Variants in PARP15 observed in about 807,000 individuals in gnomAD.
The protein encoded by PARP15 is protein mono-ADP-ribosyltransferase PARP15.
In PARP15, 50 loss-of-function variants were observed where a neutral mutation model predicts 62.1. The ratio of observed to expected loss-of-function variants is 0.81; its 90% confidence interval spans 0.64 to 1.02. The LOEUF (loss-of-function observed/expected upper bound fraction) is 1.02. Among genes scored for constraint, PARP15 ranks in the 50% least tolerant of loss-of-function variants. The pLI is 0.00. For missense variants in PARP15, 820 were observed against 826.5 expected (o/e 0.99, Z 0.10); for synonymous variants, 309 against 293.1 (o/e 1.05, Z -0.55).
chr3:122,604,295 T>C (rs1366752140), intron 1 of PARP15, among the ~76,000 whole-genome samples: 1 of 152,224 alleles, frequency 6.6e-6, no homozygotes, highest in Non-Finnish European at 1.5e-5. Context: ...AATTCTAAAA[T>C]TCTATGATCG....
chr3:122,632,252 T>A (rs1246245819), intron 10 of PARP15, 33 bp downstream of exon 10: 1 of 1,595,166 alleles, frequency 6.3e-7, no homozygotes, highest in East Asian at 2.2e-5. Context: ...TGTTCAAAAA[T>A]GTTGATGAAC....
chr3:122,627,117 T>G (rs570083591), intron 9 of PARP15, 84 bp downstream of exon 9: 21 of 1,156,140 alleles, frequency 1.8e-5, no homozygotes, highest in Non-Finnish European at 2.5e-5. Context: ...ACACTGAGTT[T>G]ATAGTTTTCT....
chr3:122,635,075 A>AAG lies in PARP15; in HGVS notation c.1629_1630insGA (p.Met544GlufsTer90). On this transcript the variant is annotated frameshift_variant, in exon 11 of 12. Transcript: ENST00000464300. LOFTEE classifies it high-confidence loss of function. The stretch of plus-strand genomic sequence containing the variant: ...CAGAGCTACCAGGTAAAGAAAAGGC[A>AAG]AATGGATATCAAGAATGACCATAAG... 1 of 1,614,124 alleles carries AAG rather than the reference A, an allele frequency of 6.2e-7. No individual in the cohort carries two copies. The highest frequency in any genetic ancestry group is 8.5e-7 in the Non-Finnish European group (1 of 1,179,974).
At chr3:122,591,736 A>T (rs1559931461) in intron 1 of PARP15, among the ~76,000 whole-genome samples, 1 of 128,290 alleles carries the variant, frequency 7.8e-6, no homozygotes, top group African/African-American at 3.0e-5. Context: ...ACTGCACTCC[A>T]GCCTGGTGAC....
At chr3:122,595,904 T>C (rs186474302) in intron 1 of PARP15, among the ~76,000 whole-genome samples, 1 of 152,182 alleles carries the variant, frequency 6.6e-6, no homozygotes, top group East Asian at 1.9e-4. Context: ...ACTTAGTCCT[T>C]GGTTCTTTTT....
chr3:122,608,250 T>G (rs1268641893), intron 2 of PARP15, among the ~76,000 whole-genome samples: 2 of 145,770 alleles, frequency 1.4e-5, no homozygotes, highest in African/African-American at 5.1e-5. Context: ...TGAGTCTTGC[T>G]CTGTCGCCCA....
At chr3:122,578,679 T>G (rs979210348) in intron 1 of PARP15, among the ~76,000 whole-genome samples, 9 of 152,178 alleles carry the variant, frequency 5.9e-5, no homozygotes, top group Non-Finnish European at 1.0e-4. Context: ...ACTATTTTCC[T>G]AGCTATTCTT....
intron 5 of PARP15, 60 bp from the exon 6 acceptor site, chr3:122,616,955 G>T: frequency 6.4e-7 from 1 of 1,566,388 alleles, no homozygotes; most frequent in South Asian, 1.2e-5. Flanking sequence ...GCCCCAAGAT[G>T]AGTGCTGTTC....
intron 9 of PARP15, among the ~76,000 whole-genome samples, chr3:122,630,164 T>G (rs997804894): frequency 6.6e-6 from 1 of 152,186 alleles, no homozygotes; most frequent in South Asian, 2.1e-4. Context: ...TGTGAAGCCG[T>G]GGGCTGCAAG....
chr3:122,588,696 C>T (rs1052688925), intron 1 of PARP15, among the ~76,000 whole-genome samples: 7 of 152,036 alleles, frequency 4.6e-5, no homozygotes, highest in African/African-American at 9.7e-5. Flanking sequence ...TTTTCATCAC[C>T]GCAAGAGAAA....
rs71136576 is a variant in PARP15 at position 122,608,213 on chromosome 3, CTT to C, written c.306+2178_306+2179del. On this transcript the variant is annotated intron_variant, in intron 2 of 11. Coordinates refer to ENST00000464300, the MANE Select transcript of PARP15 (RefSeq NM_001113523.3). ...TGCTTTCTTTTTTTCTTTCTCTTTTCTTTTTTTTTTTTTTTTTTTTTGATACT... is the reference window on the plus strand; with the variant it reads ...TGCTTTCTTTTTTTCTTTCTCTTTTCTTTTTTTTTTTTTTTTTTTGATACT... 9.4e-3 allele frequency among the ~76,000 whole-genome samples: 1,068 copies of C among 113,804 alleles called. 6 individuals carry two copies. Among genetic ancestry groups the C allele is most frequent in the African/African-American group, 0.033 (967 of 29,264 alleles). The allele number at this position is 113,804 out of a possible 152,430, so 74.7% of individuals were successfully genotyped here.
chr3:122,591,707 G>T (rs1399588911), intron 1 of PARP15, among the ~76,000 whole-genome samples: 1 of 143,274 alleles, frequency 7.0e-6, no homozygotes, highest in Non-Finnish European at 1.5e-5. Flanking sequence ...ATTGCAGTGA[G>T]CCGAGCCGAG....
chr3:122,602,775 T>C (rs920769524), intron 1 of PARP15, among the ~76,000 whole-genome samples: 2 of 152,218 alleles, frequency 1.3e-5, no homozygotes, highest in African/African-American at 4.8e-5. Context: ...TTACAACGAA[T>C]GTCAGTGGGA....
At chr3:122,608,098 TG>T (rs1413427489) in intron 2 of PARP15, among the ~76,000 whole-genome samples, 1 of 152,158 alleles carries the variant, frequency 6.6e-6, no homozygotes, top group Non-Finnish European at 1.5e-5. Flanking sequence ...CTCCATCGTC[TG>T]GCCCTAAATC....
intron 1 of PARP15, among the ~76,000 whole-genome samples, chr3:122,598,987 C>T (rs1191421674): frequency 6.6e-6 from 1 of 152,030 alleles, no homozygotes; most frequent in African/African-American, 2.4e-5. Context: ...GGTCTGCCTC[C>T]CAGGTTCAAG....
At chr3:122,584,590 C>T (rs76296958) in intron 1 of PARP15, among the ~76,000 whole-genome samples, 26 of 61,268 alleles carry the variant, frequency 4.2e-4, no homozygotes, top group Admixed American at 1.6e-3. Flanking sequence ...TTTTTTTTTC[C>T]GAGATGGAGT....
intron 6 of PARP15, among the ~76,000 whole-genome samples, chr3:122,618,874 A>G (rs749254290): frequency 5.9e-5 from 9 of 152,218 alleles, no homozygotes; most frequent in Non-Finnish European, 8.8e-5. Flanking sequence ...GCCTTCTTGC[A>G]TAGAGCTTCT....
intron 11 of PARP15, 69 bp from the exon 12 acceptor site, chr3:122,635,742 G>T: frequency 6.6e-7 from 1 of 1,505,498 alleles, no homozygotes; most frequent in Non-Finnish European, 8.9e-7. Flanking sequence ...AATTTTGTCA[G>T]ATTGGGCATG....
chr3:122,613,362 T>C (rs1182746045), intron 4 of PARP15, 94 bp downstream of exon 4: 2 of 1,119,408 alleles, frequency 1.8e-6, no homozygotes, highest in Admixed American at 2.1e-5. Context: ...TGTTTTCTAA[T>C]CCTGTGCCTA....
Sources: gnomAD v4.1 joint callset for allele counts (sites outside exome capture counted in the v4.1 genomes callset) on GRCh38, gnomAD v4.1.1 for gene constraint, MANE v1.5 for transcripts, NCBI Gene and HGNC (gene_info 2026-07-23, HGNC 2026-07-21) for gene names.